The following PREP variants were observed in gnomAD, a reference collection of about 807,000 sequenced individuals.
The protein encoded by PREP is dJ355L5.1 (prolyl endopeptidase).
Under a neutral mutation model 87.6 loss-of-function variants are expected in PREP, and 29 were observed. The ratio of observed to expected loss-of-function variants is 0.33; its 90% CI spans 0.25 to 0.45. The LOEUF is 0.45. Ranked by LOEUF, PREP falls within the 20% of genes least tolerant of loss-of-function variation. The pLI, the probability that PREP is intolerant of heterozygous loss-of-function variation, is 1.00. For missense variants in PREP, 695 were observed against 886.5 expected (o/e 0.78, Z 2.74); for synonymous variants, 337 against 328.6 (o/e 1.03, Z -0.28).
chr6:105,287,844 T>C (rs1187734768), intron 11 of PREP, among the ~76,000 whole-genome samples: 1 of 152,236 alleles, frequency 6.6e-6, no homozygotes, highest in Non-Finnish European at 1.5e-5. Context: ...ATACTAGCAA[T>C]GGGATATTAA....
At position 105,368,894 on chromosome 6, in the gene PREP, G is replaced by A. The variant is rs1181812761; in HGVS notation, c.717+9C>T. 10 of 1,613,600 alleles carry A rather than the reference G, an allele frequency of 6.2e-6. No individual in the cohort carries two copies. In the East Asian group the frequency reaches 2.0e-4, roughly 32 times the overall value. On this transcript the variant is annotated intron_variant, in intron 6 of 14. Transcript: ENST00000652536. ...TCTTTGGGGGTAAAATTTCACAGCT[G>A]TACAATACCTCAGCTCCACCCATCC...
intron 7 of PREP, among the ~76,000 whole-genome samples, chr6:105,344,081 T>C (rs1386745885): frequency 1.3e-5 from 2 of 152,230 alleles, no homozygotes; most frequent in Non-Finnish European, 2.9e-5. Context: ...CGTATGTTTA[T>C]TGCGGCACTA....
At chr6:105,397,372 CT>C (rs1185864063) in intron 2 of PREP, among the ~76,000 whole-genome samples, 3 of 152,110 alleles carry the variant, frequency 2.0e-5, no homozygotes, top group African/African-American at 4.8e-5. Flanking sequence ...ATGCTCCCCC[CT>C]GCCCCTTCAC....
chr6:105,281,370 C>G (rs956739524), intron 14 of PREP: 1 of 156,534 alleles, frequency 6.4e-6, no homozygotes, highest in African/African-American at 2.4e-5. Flanking sequence ...ATCCCTGACT[C>G]CAGCCAGAGA....
intron 7 of PREP, among the ~76,000 whole-genome samples, chr6:105,339,929 A>G (rs1771591938): frequency 6.6e-6 from 1 of 152,250 alleles, no homozygotes; most frequent in Non-Finnish European, 1.5e-5. Context: ...GTGTACCAGA[A>G]AGTGATGAGG....
chr6:105,347,171 G>GA (rs566412137), intron 7 of PREP, among the ~76,000 whole-genome samples: 1 of 152,072 alleles, frequency 6.6e-6, no homozygotes, highest in African/African-American at 2.4e-5. Flanking sequence ...AAAAGAAAAT[G>GA]AAAAAAAGAA....
rs1041717788 is a variant in PREP, at chr6:105,274,262, G to A, written c.*3882C>T. Among the ~76,000 whole-genome samples the A allele has an allele frequency of 5.3e-5, 8 of 151,446 alleles. No homozygotes were observed. The highest frequency in any genetic ancestry group is 2.6e-4 in the Admixed American group (4 of 15,238). On this transcript the variant is annotated 3_prime_UTR_variant, in exon 15 of 15. Coordinates refer to ENST00000652536, the MANE Select transcript of PREP (RefSeq NM_002726.5). ...TGCTTCCTGGTTCATAGGTGACACC[G>A]TCTCCTGTGTCCTCACATGGTGGAA... is the stretch of plus-strand genomic sequence containing the variant.
At chr6:105,328,421 C>A (rs1359274780) in intron 9 of PREP, among the ~76,000 whole-genome samples, 3 of 152,190 alleles carry the variant, frequency 2.0e-5, no homozygotes, top group African/African-American at 7.2e-5. Flanking sequence ...CCATGCCCAG[C>A]TAATTTTTGT....
At chr6:105,288,215 C>T (rs1323822830) in intron 11 of PREP, among the ~76,000 whole-genome samples, 1 of 152,170 alleles carries the variant, frequency 6.6e-6, no homozygotes, top group Non-Finnish European at 1.5e-5. Flanking sequence ...AATCCAGTTC[C>T]CAAACAACCT....
At chr6:105,342,608 T>C (rs147229884) in intron 7 of PREP, among the ~76,000 whole-genome samples, 1 of 152,354 alleles carries the variant, frequency 6.6e-6, no homozygotes, top group Non-Finnish European at 1.5e-5. Context: ...TGTTTGCAGA[T>C]GACACGATTG....
At chr6:105,362,919 C>T (rs1772291818) in intron 6 of PREP, among the ~76,000 whole-genome samples, 1 of 152,168 alleles carries the variant, frequency 6.6e-6, no homozygotes, top group South Asian at 2.1e-4. Context: ...TGTGTCTGTT[C>T]TGGAAGGTGA....
intron 9 of PREP, 147 bp downstream of exon 9, chr6:105,328,682 C>A: frequency 1.2e-6 from 1 of 801,146 alleles, no homozygotes; most frequent in South Asian, 1.8e-5. Flanking sequence ...GGCATCTGTT[C>A]TACCGTTTTA....
chr6:105,371,154 C>T (rs7740236), intron 5 of PREP, among the ~76,000 whole-genome samples: 31,302 of 152,042 alleles, frequency 0.21, 4,552 homozygotes, highest in African/African-American at 0.42. Context: ...CTGTATTTTC[C>T]TCTCAATTTT....
At chr6:105,280,437 G>A (rs1272588690) in intron 14 of PREP, among the ~76,000 whole-genome samples, 2 of 152,182 alleles carry the variant, frequency 1.3e-5, no homozygotes, top group Non-Finnish European at 2.9e-5. Context: ...TATGGGGAAT[G>A]AAGGGCCAAA....
Position 105,278,191 on chromosome 6 carries a change from TG to T in PREP, c.2085del (p.Asp695GlufsTer10), listed in dbSNP as rs1320809091. ...PTAKVIEEVS[D>X]MFAFIARCLN... ...AGGCACCGCGCGATGAACGCAAACA[TG>T]TCTGAGACTTCCTCTATCACTTTGG... is the stretch of plus-strand genomic sequence containing the variant. On this transcript the variant is annotated frameshift_variant, in exon 15 of 15. Transcript: ENST00000652536. LOFTEE classifies it high-confidence loss of function. The surrounding 1 kb of genome is among the most constrained non-coding windows in gnomAD (Gnocchi z 4.2). 6.8e-6 allele frequency: 11 copies of T among 1,614,174 alleles called. No homozygotes were observed. Among genetic ancestry groups the T allele is most frequent in the Non-Finnish European group, 9.3e-6 (11 of 1,180,004 alleles).
chr6:105,381,885 G>A lies in PREP; in HGVS notation c.121-4366C>T, dbSNP rs549787752. On this transcript the variant is annotated intron_variant, in intron 2 of 14. Transcript: ENST00000652536. ...AGGGTAGCTGTCATGTGAAGTGTTC[G>A]TACTGCAATTTAAAAAAGAAAAAGA... Among the ~76,000 whole-genome samples the A allele has an allele frequency of 2.2e-4, 33 of 152,204 alleles. No individual in the cohort carries two copies. The South Asian group carries it at 4.8e-3, about 22-fold the overall frequency.
chr6:105,315,957 G>A (rs1018385548), intron 10 of PREP, among the ~76,000 whole-genome samples: 3 of 152,194 alleles, frequency 2.0e-5, no homozygotes, highest in Non-Finnish European at 4.4e-5. Flanking sequence ...GTTGCAGCTG[G>A]TTTCATCTTC....
At chr6:105,305,838 C>A (rs1397723456) in intron 10 of PREP, among the ~76,000 whole-genome samples, 1 of 96,232 alleles carries the variant, frequency 1.0e-5, no homozygotes, top group Non-Finnish European at 2.1e-5. Context: ...ACAGATATAT[C>A]CTTTTCTTTT....
rs1192633446 is a variant in PREP, at chr6:105,333,448, G to C, written c.881C>G (p.Thr294Ser). The stretch of plus-strand genomic sequence containing the variant: ...GAATGTGAACACCGTCCCCTCATTG[G>C]TCACGTAGTCATATTCCCCTTCAAA... ...DNFEGEYDYV[T>S]NEGTVFTFKT... Residue 294 changes from threonine to serine, a missense_variant, in exon 8 of 15, where the codon ACC (threonine) becomes AGC (serine). Thr to Ser is a moderately conservative substitution (Grantham distance 58, BLOSUM62 1). Transcript: ENST00000652536. 2 of 1,614,164 alleles carry C rather than the reference G, an allele frequency of 1.2e-6. No individual in the cohort carries two copies. The highest frequency in any genetic ancestry group is 1.7e-6 in the Non-Finnish European group (2 of 1,180,022).
Sources: gnomAD v4.1 joint callset for allele counts (sites outside exome capture counted in the v4.1 genomes callset) on GRCh38, gnomAD v4.1.1 for gene constraint, Gnocchi (gnomAD v3.1) non-coding constraint, MANE v1.5 for transcripts, NCBI Gene and HGNC (gene_info 2026-07-23, HGNC 2026-07-21) for gene names.